The following NEK11 variants were observed in gnomAD, a reference collection of about 807,000 sequenced individuals.
NEK11 encodes the protein NIMA related kinase 11.
Under a neutral mutation model 80.7 loss-of-function variants are expected in NEK11, and 72 were observed. That is an observed-to-expected ratio of 0.89 (90% CI 0.74 to 1.08). The LOEUF (loss-of-function observed/expected upper bound fraction) is 1.08, where lower values mean the gene tolerates loss of function less well. Among genes scored for constraint, NEK11 ranks in the 50% least tolerant of loss-of-function variants. The pLI is 0.00. For missense variants in NEK11, 764 were observed against 763.6 expected, an observed-to-expected ratio of 1.00 and a Z score of -0.01; for synonymous variants, 251 against 260.7, an observed-to-expected ratio of 0.96 and a Z score of 0.36.
chr3:131,161,168 A>G (rs541151451), intron 10 of NEK11, among the ~76,000 whole-genome samples: 1 of 152,126 alleles, frequency 6.6e-6, no homozygotes, highest in Non-Finnish European at 1.5e-5. Context: ...AAAAAAAGAA[A>G]AAAAAAGTCA....
intron 15 of NEK11, among the ~76,000 whole-genome samples, chr3:131,234,699 C>G (rs1046215937): frequency 1.3e-5 from 2 of 151,990 alleles, no homozygotes; most frequent in African/African-American, 4.8e-5. Flanking sequence ...TTGTCCAGAT[C>G]AAAGCATAGC....
chr3:131,340,320 T>C (rs902076063), intron 17 of NEK11, among the ~76,000 whole-genome samples: 7 of 152,146 alleles, frequency 4.6e-5, no homozygotes, highest in Admixed American at 6.5e-5. Flanking sequence ...GGATTCAAAA[T>C]TAAAATAATA....
At chr3:131,255,078 A>C (rs201214485) in intron 16 of NEK11, among the ~76,000 whole-genome samples, 2,953 of 109,976 alleles carry the variant, frequency 0.027, 49 homozygotes, top group East Asian at 0.1. Context: ...GACAGAAAGA[A>C]GGAAAGAAAG....
intron 5 of NEK11, among the ~76,000 whole-genome samples, chr3:131,127,213 C>T (rs2083518115): frequency 6.6e-6 from 1 of 151,908 alleles, no homozygotes; most frequent in Non-Finnish European, 1.5e-5. Context: ...GATCCACCCA[C>T]CTTGGCCTCC....
chr3:131,056,970 C>T (rs1178043848), intron 3 of NEK11, among the ~76,000 whole-genome samples: 1 of 151,062 alleles, frequency 6.6e-6, no homozygotes, highest in Non-Finnish European at 1.5e-5. Flanking sequence ...ATGTGCCATG[C>T]TGGTGTGCTG....
rs1481932920 is a variant in NEK11 at position 131,320,523 on chromosome 3, GA to G, written c.1719-29033del. ...CTCCAGAGATGGGGAAGAGGAGGGA[GA>G]GAGAGAGAGAGAGAGAAGGAAAGAC... is the stretch of plus-strand genomic sequence containing the variant. On this transcript the variant is annotated intron_variant, in intron 17 of 17. Transcript: ENST00000383366. Among the ~76,000 whole-genome samples, 32 of 120,724 alleles carry G rather than the reference GA, an allele frequency of 2.7e-4. No individual in the cohort carries two copies. The East Asian group carries it at 9.2e-3, about 35-fold the overall frequency. The allele number at this position is 120,724 out of a possible 152,430, so 79.2% of individuals were successfully genotyped here. A position where few individuals can be genotyped will look rare whatever the true frequency, so the allele number is the denominator to read the frequency against.
At chr3:131,276,423 G>A (rs1031770139) in intron 17 of NEK11, among the ~76,000 whole-genome samples, 17 of 152,256 alleles carry the variant, frequency 1.1e-4, no homozygotes, top group Admixed American at 9.8e-4. Context: ...CTGCAGAACT[G>A]TGCTGAGTTG....
chr3:131,334,070 G>A (rs1582216218), intron 17 of NEK11, among the ~76,000 whole-genome samples: 1 of 152,240 alleles, frequency 6.6e-6, no homozygotes, highest in East Asian at 1.9e-4. Flanking sequence ...GAGACAGAAA[G>A]TTAACAAGGA....
At chr3:131,117,116 C>A (rs1053529153) in intron 5 of NEK11, among the ~76,000 whole-genome samples, 2 of 152,184 alleles carry the variant, frequency 1.3e-5, no homozygotes, top group African/African-American at 4.8e-5. Context: ...TTAGGTCTAA[C>A]AGTTAAGTCT....
chr3:131,186,522 G>T (rs1284938151), intron 14 of NEK11, among the ~76,000 whole-genome samples: 1 of 152,094 alleles, frequency 6.6e-6, no homozygotes, highest in South Asian at 2.1e-4. Flanking sequence ...CCCTCCTGTT[G>T]GTGCATCAGG....
intron 14 of NEK11, among the ~76,000 whole-genome samples, chr3:131,180,601 G>T (rs765373995): frequency 6.6e-6 from 1 of 152,046 alleles, no homozygotes; most frequent in Non-Finnish European, 1.5e-5. Flanking sequence ...TGTTACCTAG[G>T]TCAGCAGGCG....
At chr3:131,170,045 C>T (rs2092574385) in intron 13 of NEK11, among the ~76,000 whole-genome samples, 1 of 152,092 alleles carries the variant, frequency 6.6e-6, no homozygotes, top group Non-Finnish European at 1.5e-5. Flanking sequence ...CTTCATTTTA[C>T]TTATTAAGAT....
chr3:131,054,780 A>ATAAATAAG (rs2069095822), intron 3 of NEK11, among the ~76,000 whole-genome samples: 1 of 144,616 alleles, frequency 6.9e-6, no homozygotes, highest in African/African-American at 2.7e-5. Context: ...AAATAAATAA[A>ATAAATAAG]TAAATAAATA....
intron 3 of NEK11, among the ~76,000 whole-genome samples, chr3:131,070,543 C>G (rs538868703): frequency 7.9e-5 from 12 of 152,284 alleles, no homozygotes; most frequent in African/African-American, 2.9e-4. Context: ...CTGTAACTCT[C>G]AAATGATAAT....
At chr3:131,322,294 G>A (rs905937815) in intron 17 of NEK11, among the ~76,000 whole-genome samples, 2 of 152,026 alleles carry the variant, frequency 1.3e-5, no homozygotes, top group African/African-American at 4.8e-5. Flanking sequence ...CACTAGAGGA[G>A]GGAGGAAGAG....
chr3:131,139,259 C>T (rs1229853790), intron 7 of NEK11, among the ~76,000 whole-genome samples: 1 of 149,236 alleles, frequency 6.7e-6, no homozygotes, highest in African/African-American at 2.5e-5. Flanking sequence ...ATCAGAGTCT[C>T]TTAATAGCAG....
chr3:131,049,987 C>T (rs2068088392), intron 3 of NEK11, among the ~76,000 whole-genome samples: 1 of 151,260 alleles, frequency 6.6e-6, no homozygotes, highest in Non-Finnish European at 1.5e-5. Flanking sequence ...AATCAAAAGG[C>T]ATTAATATGG....
At chr3:131,323,648 T>C (rs984820496) in intron 17 of NEK11, among the ~76,000 whole-genome samples, 8 of 152,230 alleles carry the variant, frequency 5.3e-5, no homozygotes, top group Admixed American at 1.3e-4. Flanking sequence ...TTTTTATTTA[T>C]GGTGAAACAC....
rs113318581 is a variant in NEK11, at chr3:131,165,390, C to T, written c.1083-36C>T. The T allele has an allele frequency of 6.1e-4, 769 of 1,266,858 alleles. 2 individuals carry two copies. The African/African-American group carries it at 9.1e-3, about 15-fold the overall frequency. The allele number at this position is 1,266,858 out of a possible 1,614,324, so 78.5% of individuals were successfully genotyped here. Reference sequence around the variant, plus strand: ...TAATATAGACATGGTTTTAGCAATTCGCAGTTATTTTTCTACATTCACTTT... The same window carrying T: ...TAATATAGACATGGTTTTAGCAATTTGCAGTTATTTTTCTACATTCACTTT... On this transcript the variant is annotated intron_variant, in intron 11 of 17. Transcript: ENST00000383366.
Sources: allele counts gnomAD v4.1 joint callset (sites outside exome capture counted in the v4.1 genomes callset), GRCh38; gene constraint gnomAD v4.1.1; transcripts MANE v1.5; gene names NCBI Gene and HGNC (gene_info 2026-07-23, HGNC 2026-07-21).